The following PCDH9 variants were observed in gnomAD, a reference collection of about 807,000 sequenced individuals.
PCDH9 encodes protocadherin-9.
A neutral mutation model predicts 70.6 loss-of-function variants in PCDH9; 24 were observed. That is an observed-to-expected ratio of 0.34 (90% CI 0.25 to 0.48). The LOEUF (loss-of-function observed/expected upper bound fraction) is 0.48. PCDH9 is among the 20% of genes least tolerant of loss of function. The pLI is 0.99. For missense variants in PCDH9, 1,281 were observed against 1,503.6 expected (o/e 0.85, Z 2.45); for synonymous variants, 562 against 558.5 (o/e 1.01, Z -0.09).
At chr13:66,469,578 A>G (rs1008374046) in intron 4 of PCDH9, among the ~76,000 whole-genome samples, 2 of 152,254 alleles carry the variant, frequency 1.3e-5, no homozygotes, top group African/African-American at 4.8e-5. Flanking sequence ...ATTAACTTAC[A>G]AGCTATCCAC....
Position 67,077,109 on chromosome 13 carries a change from C to T in PCDH9, c.3036+148296G>A, listed in dbSNP as rs550448111. 5.3e-5 allele frequency among the ~76,000 whole-genome samples: 8 copies of T among 152,264 alleles called. 1 individual carries two copies. In the South Asian group the frequency reaches 1.7e-3, roughly 32 times the overall value. ...AAGACTGAGGACAGATCACAGCCTT[C>T]TTCTGTTCAAAAAATGACCTTTAAT... On this transcript the variant is annotated intron_variant, in intron 2 of 4. Coordinates refer to ENST00000377865, the MANE Select transcript of PCDH9 (RefSeq NM_203487.3).
intron 4 of PCDH9, among the ~76,000 whole-genome samples, chr13:66,479,784 CAATCAGCACTCTGTAAAATGGACT>C (rs1182452391): frequency 1.3e-5 from 2 of 152,136 alleles, no homozygotes; most frequent in African/African-American, 4.8e-5. Flanking sequence ...GTAAACACAC[CAATCAGCACTCTGTAAAATGGACT>C]AATCAGCACT....
At chr13:66,325,939 C>T (rs1178317922) in intron 4 of PCDH9, among the ~76,000 whole-genome samples, 1 of 152,092 alleles carries the variant, frequency 6.6e-6, no homozygotes, top group Non-Finnish European at 1.5e-5. Context: ...ATTCCCACCT[C>T]CTATTCAGAA....
chr13:66,892,505 T>G (rs1051868881), intron 3 of PCDH9, among the ~76,000 whole-genome samples: 2 of 151,972 alleles, frequency 1.3e-5, no homozygotes, highest in African/African-American at 4.8e-5. Context: ...CATTTCAACA[T>G]ATCACAGCAT....
chr13:66,491,670 T>G (rs1959036460), intron 4 of PCDH9, among the ~76,000 whole-genome samples: 1 of 152,136 alleles, frequency 6.6e-6, no homozygotes, highest in African/African-American at 2.4e-5. Flanking sequence ...GTAAATGCAA[T>G]TCCTTTATTC....
At chr13:66,432,427 C>G (rs1401142868) in intron 4 of PCDH9, among the ~76,000 whole-genome samples, 3 of 151,972 alleles carry the variant, frequency 2.0e-5, no homozygotes, top group African/African-American at 7.2e-5. Flanking sequence ...TCTATCATAA[C>G]TATGACAACA....
At chr13:66,899,100 T>C (rs2082233826) in intron 3 of PCDH9, among the ~76,000 whole-genome samples, 1 of 152,102 alleles carries the variant, frequency 6.6e-6, no homozygotes, top group South Asian at 2.1e-4. Flanking sequence ...TAAATATTTC[T>C]ATCACATGAC....
At chr13:66,646,073 G>A (rs2077767492) in intron 3 of PCDH9, among the ~76,000 whole-genome samples, 1 of 152,168 alleles carries the variant, frequency 6.6e-6, no homozygotes, top group Non-Finnish European at 1.5e-5. Context: ...GAATTCCTGT[G>A]TGGAACACAA....
chr13:66,779,678 G>A (rs899585248), intron 3 of PCDH9, among the ~76,000 whole-genome samples: 1 of 151,738 alleles, frequency 6.6e-6, no homozygotes. Context: ...AAAATTAGCT[G>A]GGCGTAGTGG....
At chr13:67,194,382 AT>A (rs550271378) in intron 2 of PCDH9, among the ~76,000 whole-genome samples, 119 of 148,990 alleles carry the variant, frequency 8.0e-4, no homozygotes, top group African/African-American at 2.9e-3. Context: ...TTTTTTTTGT[AT>A]TTGATTTTCC....
At chr13:66,454,502 C>G (rs965332759) in intron 4 of PCDH9, among the ~76,000 whole-genome samples, 1 of 152,182 alleles carries the variant, frequency 6.6e-6, no homozygotes, top group Non-Finnish European at 1.5e-5. Flanking sequence ...GAGGAGAGAA[C>G]TAGCCTCTCT....
intron 4 of PCDH9, among the ~76,000 whole-genome samples, chr13:66,439,546 C>T (rs1247988259): frequency 1.3e-5 from 2 of 152,060 alleles, no homozygotes; most frequent in Non-Finnish European, 2.9e-5. Flanking sequence ...ATGTCATGTA[C>T]ACAAATGCAT....
intron 4 of PCDH9, among the ~76,000 whole-genome samples, chr13:66,491,722 C>T (rs914975435): frequency 3.3e-5 from 5 of 152,076 alleles, no homozygotes; most frequent in Admixed American, 2.0e-4. Context: ...CTTAACATAG[C>T]ATATGTGTTT....
In PCDH9 at chr13:67,228,492, T is replaced by C; in HGVS notation, c.-52A>G. On this transcript the variant is annotated 5_prime_UTR_variant, in exon 2 of 5. Coordinates refer to ENST00000377865, the MANE Select transcript of PCDH9 (RefSeq NM_203487.3). ...GATTTTAGGGTTTAAAGGTTTCCAC[T>C]GAGGAATGATGCACAAATTGCAAGA... 2 of 1,435,762 alleles carry C rather than the reference T, an allele frequency of 1.4e-6. No homozygotes were observed. Among genetic ancestry groups the C allele is most frequent in the Non-Finnish European group, 1.9e-6 (2 of 1,065,400 alleles). 88.9% of individuals were successfully genotyped at this position (1,435,762 alleles called of 1,614,324 possible). A position where few individuals can be genotyped will look rare whatever the true frequency, so the allele number is the denominator to read the frequency against.
chr13:66,779,406 A>G (rs1216167718), intron 3 of PCDH9, among the ~76,000 whole-genome samples: 1 of 152,216 alleles, frequency 6.6e-6, no homozygotes, highest in African/African-American at 2.4e-5. Context: ...TTCAGACCTA[A>G]TAAAGAGCTA....
intron 2 of PCDH9, chr13:67,204,018 A>G (rs533740419): frequency 3.9e-5 from 6 of 152,216 alleles, no homozygotes; most frequent in East Asian, 1.9e-4. Context: ...TCAAAAAGAC[A>G]TGGAAAAAAT....
intron 2 of PCDH9, among the ~76,000 whole-genome samples, chr13:66,924,003 C>T (rs1439157935): frequency 6.6e-6 from 1 of 151,722 alleles, no homozygotes. Flanking sequence ...AGTGAACTTT[C>T]AACCTTAGGG....
chr13:66,732,635 C>T (rs2079093024), intron 3 of PCDH9, among the ~76,000 whole-genome samples: 1 of 151,994 alleles, frequency 6.6e-6, no homozygotes. Flanking sequence ...CCTTTTCTTA[C>T]CTGTGTAAGA....
At chr13:66,461,639 G>A (rs894200594) in intron 4 of PCDH9, among the ~76,000 whole-genome samples, 2 of 151,512 alleles carry the variant, frequency 1.3e-5, no homozygotes, top group East Asian at 3.9e-4. Context: ...TACACAAAAC[G>A]GGAAGCTTAC....
Sources: allele counts gnomAD v4.1 joint callset (sites outside exome capture counted in the v4.1 genomes callset), GRCh38; gene constraint gnomAD v4.1.1; transcripts MANE v1.5; gene names NCBI Gene and HGNC (gene_info 2026-07-23, HGNC 2026-07-21).